Variants in KDM4C observed in about 807,000 individuals in gnomAD.
KDM4C encodes lysine demethylase 4C.
In KDM4C, 81 loss-of-function variants were observed where a neutral mutation model predicts 129.3. That is an observed-to-expected ratio of 0.63 (90% confidence interval 0.52 to 0.75). The LOEUF (loss-of-function observed/expected upper bound fraction) is 0.75, where lower values mean the gene tolerates loss of function less well. Among genes scored for constraint, KDM4C ranks in the 30% least tolerant of loss-of-function variants. The pLI is 0.00. For missense variants in KDM4C, 1,457 were observed against 1,304.0 expected (o/e 1.12, Z -1.81); for synonymous variants, 573 against 456.1 (o/e 1.26, Z -3.26).
At chr9:6,823,699 T>C (rs1833412398) in intron 4 of KDM4C, among the ~76,000 whole-genome samples, 1 of 152,240 alleles carries the variant, frequency 6.6e-6, no homozygotes, top group Non-Finnish European at 1.5e-5. Context: ...TGAGAATGGC[T>C]ATGAGTCCAC....
chr9:7,005,851 A>G (rs1051959620), intron 12 of KDM4C, among the ~76,000 whole-genome samples: 3 of 152,252 alleles, frequency 2.0e-5, no homozygotes, highest in Non-Finnish European at 2.9e-5. Context: ...CCAAGACTGT[A>G]TAGACTGCAT....
intron 12 of KDM4C, among the ~76,000 whole-genome samples, chr9:7,009,340 G>A (rs1021988951): frequency 6.6e-6 from 1 of 152,196 alleles, no homozygotes; most frequent in Admixed American, 6.5e-5. Flanking sequence ...CATGGAAAAA[G>A]TGGCGTTCCA....
At chr9:6,865,260 G>A (rs896119096) in intron 5 of KDM4C, among the ~76,000 whole-genome samples, 2 of 152,004 alleles carry the variant, frequency 1.3e-5, no homozygotes, top group Non-Finnish European at 2.9e-5. Flanking sequence ...CGACCGCCTT[G>A]GCCTCCCAAA....
intron 18 of KDM4C, among the ~76,000 whole-genome samples, chr9:7,112,975 C>CT (rs34961626): frequency 4.1e-4 from 62 of 151,528 alleles, no homozygotes; most frequent in African/African-American, 8.2e-4. Flanking sequence ...CAGCTATACT[C>CT]TTTTTTTTTC....
chr9:6,950,662 A>G lies in KDM4C; in HGVS notation c.922-30263A>G, dbSNP rs116723378. On this transcript the variant is annotated intron_variant, in intron 8 of 21. Coordinates refer to ENST00000381309, the MANE Select transcript of KDM4C (RefSeq NM_015061.6). ...AAACTCAAAACTAGCTCTTCTAGCT[A>G]GCCAATGTTCCCTCCTGATAACGTT... Among the ~76,000 whole-genome samples, 900 of 152,356 alleles carry G rather than the reference A, an allele frequency of 5.9e-3. 8 individuals carry two copies. The highest frequency in any genetic ancestry group is 0.021 in the African/African-American group (854 of 41,580).
intron 3 of KDM4C, among the ~76,000 whole-genome samples, chr9:6,813,194 C>T (rs1049655206): frequency 6.6e-6 from 1 of 151,758 alleles, no homozygotes; most frequent in Non-Finnish European, 1.5e-5. Context: ...AGAAGAAAAA[C>T]ATTAAAAAAA....
At chr9:6,930,149 A>T (rs923845164) in intron 8 of KDM4C, among the ~76,000 whole-genome samples, 2 of 152,232 alleles carry the variant, frequency 1.3e-5, no homozygotes, top group Non-Finnish European at 2.9e-5. Context: ...CAGAAATTAA[A>T]TTATTAGCAG....
intron 8 of KDM4C, among the ~76,000 whole-genome samples, chr9:6,926,647 T>A (rs1328731448): frequency 1.3e-5 from 2 of 152,170 alleles, no homozygotes; most frequent in African/African-American, 4.8e-5. Flanking sequence ...TAAGAACACA[T>A]GGTGGGAAAA....
chr9:6,844,051 C>T (rs1033465353), intron 4 of KDM4C, among the ~76,000 whole-genome samples: 3 of 151,992 alleles, frequency 2.0e-5, no homozygotes, highest in African/African-American at 4.8e-5. Flanking sequence ...TGCCCAGGAT[C>T]GTCTCAAACT....
chr9:7,047,735 C>A (rs910569445), intron 16 of KDM4C, among the ~76,000 whole-genome samples: 1 of 151,800 alleles, frequency 6.6e-6, no homozygotes, highest in African/African-American at 2.4e-5. Flanking sequence ...CATAAAAATC[C>A]AGATTTTCAT....
chr9:6,817,272 G>A (rs977578920), intron 4 of KDM4C, among the ~76,000 whole-genome samples: 6 of 140,264 alleles, frequency 4.3e-5, no homozygotes, highest in African/African-American at 1.6e-4. Flanking sequence ...CATGATCACG[G>A]CTCACTGCAG....
At chr9:7,172,243 G>A (rs928859980) in intron 21 of KDM4C, among the ~76,000 whole-genome samples, 6 of 152,098 alleles carry the variant, frequency 3.9e-5, no homozygotes, top group Admixed American at 6.5e-5. Flanking sequence ...CACGCTGACT[G>A]GGGGAGAAAC....
intron 17 of KDM4C, among the ~76,000 whole-genome samples, chr9:7,067,341 A>G (rs1427591638): frequency 1.3e-5 from 2 of 152,260 alleles, no homozygotes; most frequent in South Asian, 2.1e-4. Flanking sequence ...ATAAAGCACA[A>G]CAGTTTTTGT....
intron 17 of KDM4C, among the ~76,000 whole-genome samples, chr9:7,063,634 C>G (rs975799010): frequency 3.9e-5 from 6 of 152,144 alleles, no homozygotes; most frequent in African/African-American, 1.2e-4. Flanking sequence ...TTTAAACAGA[C>G]AATTGCACAG....
chr9:7,004,500 T>C lies in KDM4C; in HGVS notation c.1787-7198T>C, dbSNP rs181822097. On this transcript the variant is annotated intron_variant, in intron 12 of 21. Coordinates refer to ENST00000381309, the MANE Select transcript of KDM4C (RefSeq NM_015061.6). ...TTGATTATATTATATTCAACTAATATGTTGTGTAATATATATAGTCATACT... is the reference window on the plus strand; with the variant it reads ...TTGATTATATTATATTCAACTAATACGTTGTGTAATATATATAGTCATACT... Among the ~76,000 whole-genome samples the C allele has an allele frequency of 8.5e-5, 13 of 152,216 alleles. No individual in the cohort carries two copies. The East Asian group carries it at 1.2e-3, about 14-fold the overall frequency.
intron 1 of KDM4C, among the ~76,000 whole-genome samples, chr9:6,732,364 C>CAAAAAAA (rs66904997): frequency 2.0e-4 from 6 of 30,000 alleles, no homozygotes; most frequent in Admixed American, 1.1e-3. Flanking sequence ...GACTCTGTCT[C>CAAAAAAA]AAAAAAAAAA....
intron 8 of KDM4C, among the ~76,000 whole-genome samples, chr9:6,948,631 GCCTTC>G (rs1233192704): frequency 1.3e-5 from 2 of 151,228 alleles, no homozygotes; most frequent in Non-Finnish European, 3.0e-5. Context: ...GGACCCTGCG[GCCTTC>G]CGCAGTGTTT....
chr9:7,157,105 CT>C (rs1479909445), intron 19 of KDM4C, among the ~76,000 whole-genome samples: 1 of 152,042 alleles, frequency 6.6e-6, no homozygotes, highest in Non-Finnish European at 1.5e-5. Flanking sequence ...ATTTTATTTT[CT>C]TTGTAGCAGT....
intron 1 of KDM4C, among the ~76,000 whole-genome samples, chr9:6,785,880 T>C (rs1187341411): frequency 6.6e-6 from 1 of 152,186 alleles, no homozygotes; most frequent in African/African-American, 2.4e-5. Context: ...ACACCCAGTG[T>C]GCTGAGTGTT....
Sources: allele counts gnomAD v4.1 joint callset (sites outside exome capture counted in the v4.1 genomes callset), GRCh38; gene constraint gnomAD v4.1.1; transcripts MANE v1.5; gene names NCBI Gene and HGNC (gene_info 2026-07-23, HGNC 2026-07-21).